Variants in ARV1 observed in about 807,000 individuals in gnomAD.
ARV1 encodes the protein ARV1 fatty acid homeostasis modulator, also known as protein ARV1.
Under a neutral mutation model 31.1 loss-of-function variants are expected in ARV1, and 26 were observed. The ratio of observed to expected loss-of-function variants is 0.84; its 90% CI spans 0.61 to 1.16. The LOEUF (loss-of-function observed/expected upper bound fraction) is 1.16, where lower values mean the gene tolerates loss of function less well. ARV1 is among the 50% of genes most tolerant of loss of function. ARV1 has a pLI of 0.00. For synonymous variants in ARV1, 117 were observed against 123.2 expected (o/e 0.95, Z 0.34); for missense variants, 281 against 324.9 (o/e 0.86, Z 1.04).
chr1:230,990,397 T>G, intron 3 of ARV1, 134 bp downstream of exon 3: 3 of 1,181,132 alleles, frequency 2.5e-6, no homozygotes, highest in Non-Finnish European at 3.6e-6. Context: ...AATTTTCAGC[T>G]CTACCACTAC....
At chr1:230,979,890 T>C (rs1002229705) in intron 1 of ARV1, among the ~76,000 whole-genome samples, 4 of 152,206 alleles carry the variant, frequency 2.6e-5, no homozygotes, top group African/African-American at 7.2e-5. Flanking sequence ...CCTGCTACTC[T>C]TTCCCTTCTT....
At chr1:230,991,670 C>T (rs963665680) in intron 3 of ARV1, among the ~76,000 whole-genome samples, 3 of 144,402 alleles carry the variant, frequency 2.1e-5, no homozygotes, top group Admixed American at 7.1e-5. Context: ...CTCACTCTGT[C>T]GCCCAGGCTG....
Position 230,995,828 on chromosome 1 carries a change from A to T in ARV1, c.517A>T (p.Lys173Ter). 6.2e-7 allele frequency: 1 copy of T among 1,614,144 alleles called. No homozygotes were observed. The highest frequency in any genetic ancestry group is 8.5e-7 in the Non-Finnish European group (1 of 1,180,016). Reference protein sequence around the residue: ...WVERPMTAKKKPNFILLLKAL... With the variant: ...WVERPMTAKK ...AGAACGGCCCATGACGGCAAAAAAAAAGCCCAACTTCATTTTGCTGCTGAA... is the reference window on the plus strand; with the variant it reads ...AGAACGGCCCATGACGGCAAAAAAATAGCCCAACTTCATTTTGCTGCTGAA... Residue 173 changes from lysine to a stop codon, truncating the protein, a stop_gained, in exon 4 of 6, where the codon AAG (lysine) becomes TAG (stop). Coordinates refer to ENST00000310256, the MANE Select transcript of ARV1 (RefSeq NM_022786.3). LOFTEE classifies it high-confidence loss of function.
At chr1:230,994,345 T>C (rs188706865) in intron 3 of ARV1, among the ~76,000 whole-genome samples, 1 of 152,336 alleles carries the variant, frequency 6.6e-6, no homozygotes, top group East Asian at 1.9e-4. Context: ...CATTGTTAGA[T>C]GGTTCTTGTT....
At chr1:230,992,724 A>G (rs540445452) in intron 3 of ARV1, among the ~76,000 whole-genome samples, 33 of 152,314 alleles carry the variant, frequency 2.2e-4, no homozygotes, top group Middle Eastern at 3.4e-3. Context: ...TTCACTATTC[A>G]TTATTATTCA....
chr1:230,990,177 ATT>A lies in ARV1; in HGVS notation c.363_364del (p.Ser122GlnfsTer7), dbSNP rs769858809. 5.0e-6 allele frequency: 8 copies of A among 1,613,282 alleles called. No homozygotes were observed. The highest frequency in any genetic ancestry group is 6.8e-6 in the Non-Finnish European group (8 of 1,179,876). ...TACCTGAGGTGGTGGCAGCTTCAAG[ATT>A]CCAACCAGAATACTGCCCCTGATGA... On this transcript the variant is annotated frameshift_variant, in exon 3 of 6. Coordinates refer to ENST00000310256, the MANE Select transcript of ARV1 (RefSeq NM_022786.3). LOFTEE classifies it high-confidence loss of function.
At chr1:230,992,045 G>C (rs1393816449) in intron 3 of ARV1, among the ~76,000 whole-genome samples, 1 of 152,112 alleles carries the variant, frequency 6.6e-6, no homozygotes, top group Non-Finnish European at 1.5e-5. Context: ...TGCTAGCCCA[G>C]TTCTCCAACT....
At chr1:230,994,631 T>C (rs1679312758) in intron 3 of ARV1, among the ~76,000 whole-genome samples, 1 of 149,036 alleles carries the variant, frequency 6.7e-6, no homozygotes, top group Non-Finnish European at 1.5e-5. Context: ...AAGCTCCGCC[T>C]CCCGGGTTCA....
At chr1:230,992,374 A>G (rs1240300621) in intron 3 of ARV1, among the ~76,000 whole-genome samples, 1 of 152,148 alleles carries the variant, frequency 6.6e-6, no homozygotes. Context: ...TGACTCCTGC[A>G]TACCCCTCAA....
intron 5 of ARV1, among the ~76,000 whole-genome samples, chr1:230,998,639 C>T (rs1246249573): frequency 6.6e-6 from 1 of 151,994 alleles, no homozygotes; most frequent in East Asian, 1.9e-4. Context: ...GGCACAGTGG[C>T]TCATTTCTGT....
intron 5 of ARV1, 146 bp downstream of exon 5, chr1:230,997,413 C>G (rs1679400862): frequency 1.1e-6 from 1 of 930,898 alleles, no homozygotes; most frequent in African/African-American, 1.7e-5. Flanking sequence ...TCCTCAAGGA[C>G]TTTACTACAT....
At position 230,995,985 on chromosome 1, in the gene ARV1, G is replaced by T; in HGVS notation, c.673+1G>T. The T allele has an allele frequency of 6.2e-7, 1 of 1,609,286 alleles. No individual in the cohort carries two copies. Among genetic ancestry groups the T allele is most frequent in the Non-Finnish European group, 8.5e-7 (1 of 1,176,624 alleles). ...ACATCAAATTTTCAGGCAATTAGAG[G>T]TATGTTTATGTGTTTATTCTGCCTT... On this transcript the variant is annotated splice_donor_variant, in intron 4 of 5. Coordinates refer to ENST00000310256, the MANE Select transcript of ARV1 (RefSeq NM_022786.3). LOFTEE classifies it high-confidence loss of function.
In ARV1 at chr1:230,984,970, C is replaced by T. The variant is rs572864668; in HGVS notation, c.175-3350C>T. On this transcript the variant is annotated intron_variant, in intron 1 of 5. Coordinates refer to ENST00000310256, the MANE Select transcript of ARV1 (RefSeq NM_022786.3). ...TCTGTTTACCCAGGCCAACTCCTTA[C>T]GGAAGGGGGTTGGGTAATGAGCCCT... is the stretch of plus-strand genomic sequence containing the variant. Among the ~76,000 whole-genome samples the T allele has an allele frequency of 3.3e-5, 5 of 152,210 alleles. No homozygotes were observed. In the South Asian group the frequency reaches 6.2e-4, roughly 19 times the overall value.
intron 3 of ARV1, among the ~76,000 whole-genome samples, chr1:230,991,924 A>G (rs1451092325): frequency 6.6e-6 from 1 of 152,032 alleles, no homozygotes; most frequent in African/African-American, 2.4e-5. Context: ...CACTGCGCCC[A>G]GCCACACTTC....
At position 230,979,121 on chromosome 1, in the gene ARV1, C is replaced by T. The variant is rs199848956; in HGVS notation, c.16C>T (p.Arg6Trp). ...TTGAGTGGAAATGGGCAACGGCGGG[C>T]GGAGCGGCCTGCAGCAGGGGAAGGG... MGNGG[R>W]SGLQQGKGNV... is the part of the protein sequence containing the mutation. The change falls in exon 1 of 6, where the codon CGG (arginine) becomes TGG (tryptophan). Residue 6 changes from arginine to tryptophan, a missense_variant. Arg to Trp is a moderately radical substitution (Grantham distance 101). Coordinates refer to ENST00000310256, the MANE Select transcript of ARV1 (RefSeq NM_022786.3). 6.3e-7 allele frequency: 1 copy of T among 1,583,796 alleles called. No homozygotes were observed. The highest frequency in any genetic ancestry group is 8.6e-7 in the Non-Finnish European group (1 of 1,168,346).
chr1:230,980,576 C>T (rs898597395), intron 1 of ARV1, among the ~76,000 whole-genome samples: 4 of 152,056 alleles, frequency 2.6e-5, no homozygotes, highest in African/African-American at 9.7e-5. Context: ...TCAAATGATC[C>T]ACCCACCTCG....
At chr1:230,999,389 T>A (rs577956631) in intron 5 of ARV1, among the ~76,000 whole-genome samples, 2 of 152,362 alleles carry the variant, frequency 1.3e-5, no homozygotes, top group East Asian at 3.9e-4. Flanking sequence ...TGCTGCCATG[T>A]AAGTCTTCAT....
chr1:230,994,362 T>C (rs1679306878), intron 3 of ARV1, among the ~76,000 whole-genome samples: 1 of 152,220 alleles, frequency 6.6e-6, no homozygotes, highest in South Asian at 2.1e-4. Flanking sequence ...TGTTATTCGC[T>C]ATTCTTTCAC....
chr1:230,992,460 T>G (rs992378005), intron 3 of ARV1, among the ~76,000 whole-genome samples: 1 of 152,244 alleles, frequency 6.6e-6, no homozygotes, highest in Non-Finnish European at 1.5e-5. Context: ...CTCTACTTTG[T>G]TTTTCTTATG....
Sources: allele counts gnomAD v4.1 joint callset (sites outside exome capture counted in the v4.1 genomes callset), GRCh38; gene constraint gnomAD v4.1.1; transcripts MANE v1.5; gene names NCBI Gene and HGNC (gene_info 2026-07-23, HGNC 2026-07-21).